SEL1L2: variants seen among roughly 807,000 people sequenced by gnomAD.
The protein encoded by SEL1L2 is protein sel-1 homolog 2.
Under a neutral mutation model 98.8 loss-of-function variants are expected in SEL1L2, and 89 were observed. The observed-to-expected ratio is 0.90, with a 90% CI of 0.76 to 1.07. The LOEUF (loss-of-function observed/expected upper bound fraction) is 1.07. Among genes scored for constraint, SEL1L2 ranks in the 50% least tolerant of loss-of-function variants. The pLI is 0.00. For synonymous variants in SEL1L2, 262 were observed against 278.5 expected, an observed-to-expected ratio of 0.94 and a Z score of 0.59; for missense variants, 788 against 812.0, an observed-to-expected ratio of 0.97 and a Z score of 0.36.
intron 1 of SEL1L2, among the ~76,000 whole-genome samples, chr20:13,966,407 C>T (rs937587709): frequency 6.6e-6 from 1 of 152,134 alleles, no homozygotes; most frequent in African/African-American, 2.4e-5. Context: ...CAACCTCTGC[C>T]TCCTAGGTTC....
At chr20:13,964,272 G>C (rs1185908586) in intron 1 of SEL1L2, among the ~76,000 whole-genome samples, 2 of 151,954 alleles carry the variant, frequency 1.3e-5, no homozygotes, top group Non-Finnish European at 2.9e-5. Flanking sequence ...TTAAAAACCT[G>C]GGAGGCCAAG....
intron 3 of SEL1L2, among the ~76,000 whole-genome samples, chr20:13,925,054 G>A (rs928977434): frequency 1.3e-5 from 2 of 152,102 alleles, no homozygotes; most frequent in African/African-American, 2.4e-5. Flanking sequence ...TAGGACAATT[G>A]CTTAAACCCG....
chr20:13,958,517 CTT>C (rs2050641321), intron 1 of SEL1L2, among the ~76,000 whole-genome samples: 1 of 152,152 alleles, frequency 6.6e-6, no homozygotes, highest in African/African-American at 2.4e-5. Flanking sequence ...AAAAAGCAAA[CTT>C]GAGCGATTTT....
intron 5 of SEL1L2, 80 bp downstream of exon 5, chr20:13,913,702 T>C: frequency 1.6e-6 from 2 of 1,267,268 alleles, no homozygotes; most frequent in Non-Finnish European, 2.1e-6. Context: ...TGGAATACTA[T>C]TGCTCAACTC....
rs140587162 is a variant in SEL1L2, at chr20:13,954,990, T to C, written c.114+1086A>G. 7.0e-3 allele frequency among the ~76,000 whole-genome samples: 1,061 copies of C among 152,336 alleles called. 13 individuals are homozygous for C. The highest frequency in any genetic ancestry group is 0.024 in the African/African-American group (1,002 of 41,572). On this transcript the variant is annotated intron_variant, in intron 2 of 19. Coordinates refer to ENST00000284951, the MANE Select transcript of SEL1L2 (RefSeq NM_025229.2). ...CAGAGGGGTTTAGAAAAGGTTGCAA[T>C]GTACAGAGGGGTTTTTAATTTGTAT...
chr20:13,870,008 TA>T (rs1354481202), intron 13 of SEL1L2, 132 bp downstream of exon 13: 2 of 628,080 alleles, frequency 3.2e-6, no homozygotes, highest in African/African-American at 1.9e-5. Context: ...TGGATTATTT[TA>T]TTCTCTATTA....
intron 1 of SEL1L2, among the ~76,000 whole-genome samples, chr20:13,965,156 C>T (rs2050982335): frequency 6.6e-6 from 1 of 151,884 alleles, no homozygotes; most frequent in African/African-American, 2.4e-5. Context: ...ACATAGGCTG[C>T]CACTTAAGAA....
intron 10 of SEL1L2, among the ~76,000 whole-genome samples, chr20:13,880,129 A>G (rs1415627194): frequency 6.6e-6 from 1 of 152,254 alleles, no homozygotes; most frequent in Non-Finnish European, 1.5e-5. Flanking sequence ...ATCCATCTCT[A>G]AAACAAGGCA....
intron 2 of SEL1L2, among the ~76,000 whole-genome samples, chr20:13,935,912 T>C (rs577792258): frequency 1.3e-5 from 2 of 152,254 alleles, no homozygotes; most frequent in African/African-American, 2.4e-5. Context: ...ATAGTGGTTG[T>C]GGTTTGTTTC....
At chr20:13,945,134 T>C (rs2148392276) in intron 2 of SEL1L2, among the ~76,000 whole-genome samples, 1 of 152,198 alleles carries the variant, frequency 6.6e-6, no homozygotes. Context: ...AAATGGAAGA[T>C]CTATATGAGG....
chr20:13,912,626 G>C (rs987738058), intron 5 of SEL1L2, among the ~76,000 whole-genome samples: 2 of 152,100 alleles, frequency 1.3e-5, no homozygotes, highest in South Asian at 2.1e-4. Flanking sequence ...TCTTACAGCA[G>C]AGTTCATACA....
chr20:13,849,742 A>C (rs1987911449), intron 19 of SEL1L2, 138 bp from the exon 20 acceptor site: 2 of 948,470 alleles, frequency 2.1e-6, no homozygotes, highest in African/African-American at 1.6e-5. Context: ...GGAAGACACA[A>C]TCTTCGCTTG....
chr20:13,871,251 G>T (rs1231242136), intron 12 of SEL1L2, among the ~76,000 whole-genome samples: 1 of 152,006 alleles, frequency 6.6e-6, no homozygotes, highest in Non-Finnish European at 1.5e-5. Flanking sequence ...TAACATCCCC[G>T]ATGTTTCCTT....
intron 1 of SEL1L2, among the ~76,000 whole-genome samples, chr20:13,963,684 C>A (rs1334211689): frequency 6.6e-6 from 1 of 151,734 alleles, no homozygotes; most frequent in Non-Finnish European, 1.5e-5. Context: ...CCGCTGTACT[C>A]CAGCCTGGGA....
At chr20:13,900,704 G>A (rs1241994729) in intron 5 of SEL1L2, among the ~76,000 whole-genome samples, 1 of 152,160 alleles carries the variant, frequency 6.6e-6, no homozygotes, top group Non-Finnish European at 1.5e-5. Context: ...CAGCTGACCA[G>A]CCCAAGACAT....
upstream of SEL1L2, among the ~76,000 whole-genome samples, chr20:13,994,161 T>C (rs1247209656): frequency 6.6e-6 from 1 of 151,798 alleles, no homozygotes; most frequent in African/African-American, 2.4e-5. Flanking sequence ...CCAGGCATGG[T>C]GGCGCATGCC....
intron 10 of SEL1L2, among the ~76,000 whole-genome samples, chr20:13,880,045 TG>T (rs2046622818): frequency 6.6e-6 from 1 of 152,244 alleles, no homozygotes. Flanking sequence ...TTGAATCCTC[TG>T]TACTTAGCAT....
At chr20:13,994,669 GGTGA>G (rs1424061962), upstream of SEL1L2, among the ~76,000 whole-genome samples, 10 of 152,148 alleles carry the variant, frequency 6.6e-5, no homozygotes, top group African/African-American at 2.4e-4. Flanking sequence ...GAACCCGCCA[GGTGA>G]GTATTATCCA....
chr20:13,887,907 A>G, intron 7 of SEL1L2, 35 bp downstream of exon 7: 3 of 1,608,874 alleles, frequency 1.9e-6, no homozygotes, highest in South Asian at 2.2e-5. Context: ...TTTATGGCAT[A>G]CAAATTTGGT....
Sources: gnomAD v4.1 joint callset for allele counts (sites outside exome capture counted in the v4.1 genomes callset) on GRCh38, gnomAD v4.1.1 for gene constraint, MANE v1.5 for transcripts, NCBI Gene and HGNC (gene_info 2026-07-23, HGNC 2026-07-21) for gene names.